BICC1: variants seen among roughly 807,000 people sequenced by gnomAD.
BICC1 encodes the protein protein bicaudal C homolog 1.
Under a neutral mutation model 111.0 loss-of-function variants are expected in BICC1, and 43 were observed. That is an observed-to-expected ratio of 0.39 (90% CI 0.30 to 0.50). BICC1 has a LOEUF of 0.50. Among genes scored for constraint, BICC1 ranks in the 20% least tolerant of loss-of-function variants. The pLI is 0.88. For synonymous variants in BICC1, 467 were observed against 434.4 expected, an observed-to-expected ratio of 1.07 and a Z score of -0.93; for missense variants, 1,091 against 1,203.2, an observed-to-expected ratio of 0.91 and a Z score of 1.38.
At position 58,779,555 on chromosome 10, in the gene BICC1, G is replaced by A. The variant is rs971319411; in HGVS notation, c.308-5446G>A. ...TGCTTATTAGTTTAAGAACCTTATAGTACTATTTTATACCAAAGAAATTTG... is the reference window on the plus strand; with the variant it reads ...TGCTTATTAGTTTAAGAACCTTATAATACTATTTTATACCAAAGAAATTTG... On this transcript the variant is annotated intron_variant, in intron 3 of 20. Transcript: ENST00000373886. Among the ~76,000 whole-genome samples the A allele has an allele frequency of 2.5e-4, 38 of 152,170 alleles. 1 individual carries two copies. Among genetic ancestry groups the A allele is most frequent in the African/African-American group, 8.0e-4 (33 of 41,456 alleles).
intron 2 of BICC1, among the ~76,000 whole-genome samples, chr10:58,631,680 A>G (rs1437356098): frequency 6.6e-6 from 1 of 152,324 alleles, no homozygotes; most frequent in South Asian, 2.1e-4. Context: ...ACTGACAATA[A>G]GCAAAATATA....
chr10:58,756,114 A>G (rs1055342308), intron 3 of BICC1, among the ~76,000 whole-genome samples: 14 of 152,070 alleles, frequency 9.2e-5, no homozygotes, highest in African/African-American at 3.1e-4. Flanking sequence ...TGTTGTATCT[A>G]TTCCTTTGAA....
Position 58,803,503 on chromosome 10 carries a change from C to T in BICC1, c.2181+261C>T, listed in dbSNP as rs147487142. Among the ~76,000 whole-genome samples the T allele has an allele frequency of 8.5e-5, 13 of 152,232 alleles. No individual in the cohort carries two copies. In the East Asian group the frequency reaches 2.5e-3, roughly 29 times the overall value. On this transcript the variant is annotated intron_variant, in intron 15 of 20. Transcript: ENST00000373886. Reference sequence around the variant, plus strand: ...CTGTGTCACTGTCTTATGCAAATAACATTATTCATGTGTTACTTAAAAAAT... The same window carrying T: ...CTGTGTCACTGTCTTATGCAAATAATATTATTCATGTGTTACTTAAAAAAT...
intron 1 of BICC1, among the ~76,000 whole-genome samples, chr10:58,523,330 C>T (rs7392584): frequency 0.46 from 69,847 of 151,964 alleles, 17,120 homozygotes; most frequent in Admixed American, 0.62. Flanking sequence ...CCGAATCCAG[C>T]AGCACATCAA....
At chr10:58,794,404 ATT>A (rs1228369133) in intron 9 of BICC1, among the ~76,000 whole-genome samples, 1 of 151,014 alleles carries the variant, frequency 6.6e-6, no homozygotes, top group Non-Finnish European at 1.5e-5. Flanking sequence ...TAGAGTAAAA[ATT>A]TAATGGAATA....
intron 2 of BICC1, among the ~76,000 whole-genome samples, chr10:58,647,859 T>A (rs1838316546): frequency 6.6e-6 from 1 of 152,196 alleles, no homozygotes; most frequent in Non-Finnish European, 1.5e-5. Context: ...TTCTCCAGCT[T>A]CCTTCAGTGT....
chr10:58,768,158 A>G (rs758616062), intron 3 of BICC1, among the ~76,000 whole-genome samples: 1 of 152,166 alleles, frequency 6.6e-6, no homozygotes, highest in Non-Finnish European at 1.5e-5. Context: ...TCTTATTGTC[A>G]ATAATCAATG....
chr10:58,669,904 C>T (rs1341791313), intron 2 of BICC1, among the ~76,000 whole-genome samples: 5 of 152,034 alleles, frequency 3.3e-5, no homozygotes, highest in African/African-American at 1.2e-4. Flanking sequence ...CATTGCATTG[C>T]TCACAAATCC....
chr10:58,671,930 G>C lies in BICC1; in HGVS notation c.238-30144G>C, dbSNP rs1839196611. 2.0e-5 allele frequency among the ~76,000 whole-genome samples: 3 copies of C among 152,024 alleles called. No homozygotes were observed. In the South Asian group the frequency reaches 6.2e-4, roughly 32 times the overall value. ...CTTTTCTTGAGATTCCCTGTAAAAG[G>C]AACAGCCTCGAGTTTTTCATTTGTC... On this transcript the variant is annotated intron_variant, in intron 2 of 20. Transcript: ENST00000373886.
chr10:58,828,799 A>C lies in BICC1; in HGVS notation c.2833A>C (p.Asn945His), dbSNP rs754153336. Residue 945 changes from asparagine to histidine, a missense_variant, in exon 21 of 21, where the codon AAT becomes CAT. This residue lies in a region of BICC1 where 231 missense variants were observed against 256.2 expected (regional missense o/e 0.90). Coordinates refer to ENST00000373886, the MANE Select transcript of BICC1 (RefSeq NM_001080512.3). The stretch of plus-strand genomic sequence containing the variant: ...CCGAAGAAAGCTTTTTGAATCGCCA[A>C]ATGCACGCACCTCTTTCCTGGAAGG... The part of the protein sequence containing the change: ...KNRRKLFESP[N>H]ARTSFLEGGA... 2 of 1,613,694 alleles carry C rather than the reference A, an allele frequency of 1.2e-6. No individual in the cohort carries two copies. The highest frequency in any genetic ancestry group is 2.7e-5 in the African/African-American group (2 of 74,882).
intron 1 of BICC1, among the ~76,000 whole-genome samples, chr10:58,542,755 G>A (rs1619284): frequency 0.46 from 70,064 of 151,590 alleles, 17,193 homozygotes; most frequent in Admixed American, 0.62. Flanking sequence ...TATAAACATC[G>A]GCATGAAAAG....
At chr10:58,698,145 G>C (rs950937693) in intron 2 of BICC1, among the ~76,000 whole-genome samples, 4 of 152,194 alleles carry the variant, frequency 2.6e-5, no homozygotes, top group African/African-American at 9.7e-5. Flanking sequence ...GCACTGGCCA[G>C]AATTTATTTG....
At position 58,527,465 on chromosome 10, in the gene BICC1, CT is replaced by C. The variant is rs571664570; in HGVS notation, c.190+14137del. Among the ~76,000 whole-genome samples the C allele has an allele frequency of 2.4e-3, 365 of 152,230 alleles. 2 individuals are homozygous for C. Among genetic ancestry groups the C allele is most frequent in the Middle Eastern group, 0.014 (4 of 294 alleles). On this transcript the variant is annotated intron_variant, in intron 1 of 20. Coordinates refer to ENST00000373886, the MANE Select transcript of BICC1 (RefSeq NM_001080512.3). ...TCAAATTTGGCTTTTGTTGCCATTGCTTTTTGTGTTTTTAGTCGTGAAGTCC... is the reference window on the plus strand; with the variant it reads ...TCAAATTTGGCTTTTGTTGCCATTGCTTTTGTGTTTTTAGTCGTGAAGTCC...
intron 1 of BICC1, among the ~76,000 whole-genome samples, chr10:58,561,130 T>C (rs1564488401): frequency 3.9e-5 from 6 of 152,122 alleles, no homozygotes; most frequent in Admixed American, 2.0e-4. Context: ...GACAGTAGAG[T>C]GTTGAAGTCC....
intron 2 of BICC1, among the ~76,000 whole-genome samples, chr10:58,680,827 A>G (rs1156491618): frequency 6.6e-6 from 1 of 152,242 alleles, no homozygotes; most frequent in Non-Finnish European, 1.5e-5. Flanking sequence ...AAACAGATAT[A>G]TAGACCAATG....
At chr10:58,718,797 C>T (rs905374596) in intron 3 of BICC1, among the ~76,000 whole-genome samples, 8 of 148,226 alleles carry the variant, frequency 5.4e-5, no homozygotes, top group Non-Finnish European at 1.0e-4. Context: ...CGCACGCCCG[C>T]GTGCTTATGG....
At chr10:58,556,816 A>G (rs1044363995) in intron 1 of BICC1, among the ~76,000 whole-genome samples, 1 of 152,050 alleles carries the variant, frequency 6.6e-6, no homozygotes, top group Non-Finnish European at 1.5e-5. Context: ...TCTCAGTCAT[A>G]TGAGGCTTCC....
At position 58,799,178 on chromosome 10, in the gene BICC1, C is replaced by A; in HGVS notation, c.1651C>A (p.Pro551Thr). The A allele has an allele frequency of 6.2e-7, 1 of 1,613,800 alleles. No individual in the cohort carries two copies. Among genetic ancestry groups the A allele is most frequent in the Non-Finnish European group, 8.5e-7 (1 of 1,179,890 alleles). Residue 551 changes from proline (P) to threonine (T), a missense_variant, in exon 12 of 21, where the codon CCT (proline) becomes ACT (threonine). By Grantham distance (38) the Pro-to-Thr change is conservative (BLOSUM62 -1). Transcript: ENST00000373886. ...TAPSPPPGLT[P>T]VDVHINSMQT... is the part of the protein sequence containing the mutation. The stretch of plus-strand genomic sequence containing the variant: ...TCCATCTCCCCCTCCTGGCTTGACT[C>A]CTGTTGATGTCCATATCAACAGTAT...
chr10:58,587,116 A>G (rs548606433), intron 1 of BICC1, among the ~76,000 whole-genome samples: 1 of 152,304 alleles, frequency 6.6e-6, no homozygotes, highest in South Asian at 2.1e-4. Context: ...TTAGTGCCTC[A>G]GGTGCCTCAT....
Sources: allele counts gnomAD v4.1 joint callset (sites outside exome capture counted in the v4.1 genomes callset), GRCh38; gene constraint gnomAD v4.1.1; regional missense constraint gnomAD v4.1.1; transcripts MANE v1.5; gene names NCBI Gene and HGNC (gene_info 2026-07-23, HGNC 2026-07-21).